Variants in IL20RA observed in about 807,000 individuals in gnomAD.
IL20RA encodes the protein interleukin 20 receptor subunit alpha.
Under a neutral mutation model 36.5 loss-of-function variants are expected in IL20RA, and 29 were observed. That is an observed-to-expected ratio of 0.79 (90% CI 0.59 to 1.08). The LOEUF (loss-of-function observed/expected upper bound fraction) is 1.08, where lower values mean the gene tolerates loss of function less well. Ranked by LOEUF, IL20RA falls within the 50% of genes least tolerant of loss-of-function variation. The pLI, the probability that IL20RA is intolerant of heterozygous loss-of-function variation, is 0.00. For synonymous variants in IL20RA, 279 were observed against 267.1 expected (o/e 1.04, Z -0.43); for missense variants, 652 against 668.4 (o/e 0.98, Z 0.27).
chr6:137,021,989 C>T (rs750334048), intron 1 of IL20RA, among the ~76,000 whole-genome samples: 2 of 152,094 alleles, frequency 1.3e-5, no homozygotes, highest in East Asian at 1.9e-4. Flanking sequence ...CAAATTCACA[C>T]AGCTAGTAAG....
chr6:137,028,890 A>G (rs1284928157), intron 1 of IL20RA, among the ~76,000 whole-genome samples: 7 of 152,152 alleles, frequency 4.6e-5, no homozygotes, highest in African/African-American at 1.4e-4. Flanking sequence ...AAATAGTTAC[A>G]TCTTGTTTTT....
chr6:137,044,231 GC>G, intron 1 of IL20RA: 1 of 989,154 alleles, frequency 1.0e-6, no homozygotes, highest in African/African-American at 1.7e-5. Context: ...ATCCACAGGG[GC>G]CCCTCCGCGC....
At chr6:137,004,808 A>T (rs1266867998) in intron 5 of IL20RA, 48 bp from the exon 6 acceptor site, 3 of 1,535,522 alleles carry the variant, frequency 2.0e-6, no homozygotes, top group Non-Finnish European at 2.6e-6. Context: ...GGGATTAGAT[A>T]GTTGTGATTT....
chr6:137,021,267 T>C (rs1775893978), intron 1 of IL20RA, among the ~76,000 whole-genome samples: 2 of 152,180 alleles, frequency 1.3e-5, no homozygotes, highest in African/African-American at 4.8e-5. Context: ...GTTTGACTTT[T>C]CTGCAAAGAG....
At chr6:137,009,594 CTTTTTTTTTTTTTTTTTT>C (rs3041892) in intron 3 of IL20RA, 102 bp from the exon 4 acceptor site, 22 of 388,064 alleles carry the variant, frequency 5.7e-5, no homozygotes, top group Non-Finnish European at 7.7e-5. Flanking sequence ...AAAAGACATC[CTTTTTTTTTTTTTTTTTT>C]TTTTTTTTTT....
intron 6 of IL20RA, among the ~76,000 whole-genome samples, chr6:137,004,105 G>T (rs1165038931): frequency 6.8e-6 from 1 of 148,044 alleles, no homozygotes; most frequent in Admixed American, 6.8e-5. Flanking sequence ...TGGTTAAATA[G>T]AACATCTTTT....
chr6:137,026,052 C>T (rs1022358150), intron 1 of IL20RA, among the ~76,000 whole-genome samples: 1 of 152,212 alleles, frequency 6.6e-6, no homozygotes, highest in African/African-American at 2.4e-5. Context: ...GACTGGACAG[C>T]CAAATGTGAT....
rs1232106873 is a variant in IL20RA, at chr6:137,001,841, A to C, written c.1379T>G (p.Leu460Arg). Reference sequence around the variant, plus strand: ...CTCCGAGTCTGTGTGCTCCTGCGCCAGGGGGTCTAAGTCTTGGAGCTGAGG... The same window carrying C: ...CTCCGAGTCTGTGTGCTCCTGCGCCCGGGGGTCTAAGTCTTGGAGCTGAGG... ...YTPQLQDLDP[L>R]AQEHTDSEEG... The change falls in exon 7 of 7, where the codon CTG becomes CGG. Residue 460 changes from leucine to arginine, a missense_variant. Leu to Arg is a moderately radical substitution (Grantham distance 102). Transcript: ENST00000316649. 2 of 1,613,464 alleles carry C rather than the reference A, an allele frequency of 1.2e-6. No individual in the cohort carries two copies. The highest frequency in any genetic ancestry group is 2.2e-5 in the South Asian group (2 of 90,986).
intron 1 of IL20RA, chr6:137,042,814 T>C (rs770355774): frequency 6.6e-6 from 1 of 152,214 alleles, no homozygotes; most frequent in Non-Finnish European, 1.5e-5. Flanking sequence ...AGAACCTTAG[T>C]AAGCCCACGT....
Position 137,002,025 on chromosome 6 carries a change from T to C in IL20RA, c.1195A>G (p.Ile399Val). 6.2e-7 allele frequency: 1 copy of C among 1,614,210 alleles called. No individual in the cohort carries two copies. The highest frequency in any genetic ancestry group is 8.5e-7 in the Non-Finnish European group (1 of 1,180,034). ...SRTIPPDKTV[I>V]EYEYDVRTTD... ...GTTCTGACATCATATTCATATTCAA[T>C]GACTGTTTTATCCGGGGGTATTGTT... The change falls in exon 7 of 7, where the codon ATT becomes GTT. Residue 399 changes from isoleucine (I) to valine (V), a missense_variant. Transcript: ENST00000316649.
At chr6:137,041,761 G>C (rs1459011572) in intron 1 of IL20RA, among the ~76,000 whole-genome samples, 1 of 151,716 alleles carries the variant, frequency 6.6e-6, no homozygotes, top group Non-Finnish European at 1.5e-5. Context: ...GACATCATAA[G>C]CTATACTTTT....
chr6:137,008,979 G>C (rs1434881578), intron 4 of IL20RA: 68 of 507,114 alleles, frequency 1.3e-4, no homozygotes, highest in Admixed American at 1.1e-3. Flanking sequence ...ACAACACATG[G>C]ATAGAGTTCT....
In IL20RA at chr6:137,024,018, C is replaced by T. The variant is rs1460695797; in HGVS notation, c.89-6915G>A. 2.6e-5 allele frequency among the ~76,000 whole-genome samples: 4 copies of T among 152,134 alleles called. No homozygotes were observed. The East Asian group carries it at 7.7e-4, about 29-fold the overall frequency. ...CTGAGGCAGAAGAATTGCTTGAACC[C>T]AGGAGGTGGAGGTTGCAGTGAGCCA... On this transcript the variant is annotated intron_variant, in intron 1 of 6. Transcript: ENST00000316649.
At chr6:137,030,070 G>GTTTTT (rs1188809232) in intron 1 of IL20RA, among the ~76,000 whole-genome samples, 23,025 of 62,722 alleles carry the variant, frequency 0.37, 8,802 homozygotes, top group Middle Eastern at 0.5. Context: ...CGGTTTGCGG[G>GTTTTT]TTTTTTTTTT....
chr6:137,027,579 C>T (rs1337175604), intron 1 of IL20RA, among the ~76,000 whole-genome samples: 1 of 152,218 alleles, frequency 6.6e-6, no homozygotes, highest in Non-Finnish European at 1.5e-5. Flanking sequence ...CTCTGTGCCT[C>T]AATTTCCCCA....
In IL20RA at chr6:137,000,178, T is replaced by C. The variant is rs1167054342; in HGVS notation, c.*1380A>G. On this transcript the variant is annotated 3_prime_UTR_variant, in exon 7 of 7. Coordinates refer to ENST00000316649, the MANE Select transcript of IL20RA (RefSeq NM_014432.4). ...ATCTGAAACTGTTTGCATTTGCGGA[T>C]AATCACGAAAGGTCATGACCCCAGA... 2 of 152,172 alleles carry C rather than the reference T, an allele frequency of 1.3e-5. No homozygotes were observed. Among genetic ancestry groups the C allele is most frequent in the African/African-American group, 2.4e-5 (1 of 41,440 alleles). The allele number at this position is 152,172 out of a possible 1,614,324, so 9.4% of individuals were successfully genotyped here.
intron 1 of IL20RA, among the ~76,000 whole-genome samples, chr6:137,041,812 T>TAAA (rs1175757647): frequency 8.0e-5 from 11 of 137,976 alleles, no homozygotes; most frequent in African/African-American, 3.0e-4. Context: ...TTATTTTTTT[T>TAAA]TAAATATATA....
intron 2 of IL20RA, 59 bp from the exon 3 acceptor site, chr6:137,011,511 A>G (rs1443667509): frequency 3.5e-6 from 4 of 1,156,900 alleles, no homozygotes; most frequent in Non-Finnish European, 4.7e-6. Context: ...CAATAAAAAA[A>G]CTCAGTCATT....
In IL20RA at chr6:137,020,253, AG is replaced by A. The variant is rs571149614; in HGVS notation, c.89-3151del. On this transcript the variant is annotated intron_variant, in intron 1 of 6. Coordinates refer to ENST00000316649, the MANE Select transcript of IL20RA (RefSeq NM_014432.4). ...TCTTAGAAGTGGATCCTCCGACCCC[AG>A]TCCAGCCTTCGGATGACTGCAGCCC... Among the ~76,000 whole-genome samples, 75 of 152,312 alleles carry A rather than the reference AG, an allele frequency of 4.9e-4. 1 individual carries two copies. Among genetic ancestry groups the A allele is most frequent in the African/African-American group, 1.7e-3 (69 of 41,566 alleles).
Sources: allele counts gnomAD v4.1 joint callset (sites outside exome capture counted in the v4.1 genomes callset), GRCh38; gene constraint gnomAD v4.1.1; transcripts MANE v1.5; gene names NCBI Gene and HGNC (gene_info 2026-07-23, HGNC 2026-07-21).